The following PIR variants were observed in gnomAD, a reference collection of about 807,000 sequenced individuals.
The protein encoded by PIR is pirin (iron-binding nuclear protein).
Under a neutral mutation model 24.2 loss-of-function variants are expected in PIR, and 22 were observed. That is an observed-to-expected ratio of 0.91 (90% CI 0.65 to 1.30). PIR has a LOEUF of 1.30. Among genes scored for constraint, PIR ranks in the 50% most tolerant of loss-of-function variants. The pLI is 0.00. For synonymous variants in PIR, 80 were observed against 79.6 expected (o/e 1.00, Z -0.03); for missense variants, 220 against 220.3 (o/e 1.00, Z 0.01).
intron 9 of PIR, among the ~76,000 whole-genome samples, chrX:15,388,765 C>G (rs1923856858): frequency 8.9e-6 from 1 of 112,190 alleles, no homozygotes; most frequent in South Asian, 3.7e-4. Flanking sequence ...TTAGGTAATT[C>G]ATGAGATCTG....
At chrX:15,434,348 G>A (rs190470110) in intron 5 of PIR, among the ~76,000 whole-genome samples, 44 of 106,250 alleles carry the variant, frequency 4.1e-4, no homozygotes, top group Non-Finnish European at 7.6e-4. Context: ...AGAAAAAGGA[G>A]GGGGAAGGAG....
chrX:15,459,804 A>G, intron 3 of PIR, 64 bp from the exon 4 acceptor site: 1 of 618,690 alleles, frequency 1.6e-6, no homozygotes, highest in Non-Finnish European at 2.7e-6. Flanking sequence ...GTTATTATTT[A>G]ATTATCCCTA....
At chrX:15,385,235 T>C (rs1458477413) in intron 9 of PIR, 119 bp from the exon 10 acceptor site, 2 of 398,302 alleles carry the variant, frequency 5.0e-6, no homozygotes, top group Non-Finnish European at 8.7e-6. Context: ...ATCCGAAGAG[T>C]AAAAGTTTAT....
At chrX:15,447,748 A>C (rs752760193) in intron 5 of PIR, among the ~76,000 whole-genome samples, 1 of 112,431 alleles carries the variant, frequency 8.9e-6, no homozygotes, top group East Asian at 2.8e-4. Context: ...GTGGTTAGAA[A>C]AAATATGTAA....
intron 5 of PIR, among the ~76,000 whole-genome samples, chrX:15,448,033 C>T (rs1216423369): frequency 9.0e-6 from 1 of 111,731 alleles, no homozygotes; most frequent in Non-Finnish European, 1.9e-5. Context: ...GAGGGCTTGT[C>T]GCCACGACTG....
chrX:15,484,485 T>C (rs761400198), intron 2 of PIR, among the ~76,000 whole-genome samples: 1 of 108,495 alleles, frequency 9.2e-6, no homozygotes, highest in South Asian at 4.1e-4. Flanking sequence ...CAGCTAATTT[T>C]TGTATTTTTT....
chrX:15,391,189 ATGTCT>A (rs1267973368), intron 8 of PIR, among the ~76,000 whole-genome samples: 74 of 112,285 alleles, frequency 6.6e-4, no homozygotes, highest in African/African-American at 2.0e-3. Context: ...AATGTTCATA[ATGTCT>A]TGTAAGTTTT....
Position 15,425,601 on chromosome X carries a change from G to A in PIR, c.565+305C>T, listed in dbSNP as rs138363734. ...TAGTTTTTGTATTTTTAGTAGAGAC[G>A]GGGTTTCACAATGTTGGCCAGGATG... On this transcript the variant is annotated intron_variant, in intron 6 of 9. Transcript: ENST00000380420. Among the ~76,000 whole-genome samples the A allele has an allele frequency of 4.0e-3, 437 of 109,679 alleles. 2 individuals carry two copies. Among genetic ancestry groups the A allele is most frequent in the African/African-American group, 0.014 (417 of 30,231 alleles).
intron 5 of PIR, among the ~76,000 whole-genome samples, chrX:15,446,919 A>C (rs996139992): frequency 8.9e-6 from 1 of 112,041 alleles, no homozygotes; most frequent in African/African-American, 3.2e-5. Context: ...GGATGGCAAA[A>C]AATGATTCCC....
rs1924387211 is a variant in PIR at position 15,401,567 on chromosome X, T to G, written c.611-4036A>C. Among the ~76,000 whole-genome samples the G allele has an allele frequency of 2.7e-5, 3 of 111,798 alleles. No individual in the cohort carries two copies. In the Admixed American group the frequency reaches 2.8e-4, roughly 11 times the overall value. ...TGAACCTAAAATAAGTCTCAAAAAA[T>G]ATATCTTATTGTTTCTGACTACTTT... is the stretch of plus-strand genomic sequence containing the variant. On this transcript the variant is annotated intron_variant, in intron 7 of 9. Coordinates refer to ENST00000380420, the MANE Select transcript of PIR (RefSeq NM_001018109.3).
chrX:15,486,002 T>C (rs762374947), intron 2 of PIR, among the ~76,000 whole-genome samples: 4 of 111,123 alleles, frequency 3.6e-5, no homozygotes, highest in Non-Finnish European at 7.5e-5. Context: ...CAAATAGTTC[T>C]AAATCCTTTA....
chrX:15,426,386 T>C (rs887206616), intron 5 of PIR, among the ~76,000 whole-genome samples: 1 of 112,285 alleles, frequency 8.9e-6, no homozygotes, highest in African/African-American at 3.2e-5. Context: ...CATTTCCATT[T>C]TGGAATTTAA....
At chrX:15,419,165 C>T (rs1462857461) in intron 6 of PIR, among the ~76,000 whole-genome samples, 1 of 111,083 alleles carries the variant, frequency 9.0e-6, no homozygotes, top group East Asian at 2.8e-4. Flanking sequence ...TGAATTACTT[C>T]ATAATAAACT....
chrX:15,472,858 C>G (rs1209325235), intron 3 of PIR, among the ~76,000 whole-genome samples: 1 of 112,283 alleles, frequency 8.9e-6, no homozygotes, highest in Non-Finnish European at 1.9e-5. Flanking sequence ...TCTTTGGGTA[C>G]TATAACATGT....
Position 15,450,693 on chromosome X carries a change from T to C in PIR, c.480+5155A>G, listed in dbSNP as rs532234055. On this transcript the variant is annotated intron_variant, in intron 5 of 9. Transcript: ENST00000380420. Reference sequence around the variant, plus strand: ...CTGAGTTTACTAAGATGCAAAAATGTTTTAAGTTTACCTTCCAGTATTCTG... The same window carrying C: ...CTGAGTTTACTAAGATGCAAAAATGCTTTAAGTTTACCTTCCAGTATTCTG... Among the ~76,000 whole-genome samples the C allele has an allele frequency of 4.5e-5, 5 of 111,647 alleles. No homozygotes were observed. In the Admixed American group the frequency reaches 4.7e-4, roughly 11 times the overall value.
At chrX:15,424,525 T>C (rs1257190193) in intron 6 of PIR, among the ~76,000 whole-genome samples, 1 of 112,303 alleles carries the variant, frequency 8.9e-6, no homozygotes, top group Non-Finnish European at 1.9e-5. Context: ...AATCTTTGTA[T>C]ATTTCCAAAC....
chrX:15,429,902 G>A (rs1925451388), intron 5 of PIR: 1 of 110,242 alleles, frequency 9.1e-6, no homozygotes, highest in African/African-American at 3.3e-5. Flanking sequence ...AATGTACCTT[G>A]AGCAAACCTG....
intron 3 of PIR, among the ~76,000 whole-genome samples, chrX:15,467,357 G>A (rs1022864737): frequency 6.2e-5 from 7 of 112,394 alleles, no homozygotes; most frequent in South Asian, 3.7e-4. Context: ...TGCCAGTAAC[G>A]TATGTGCTGG....
intron 6 of PIR, among the ~76,000 whole-genome samples, chrX:15,411,498 A>G (rs1435573942): frequency 9.1e-6 from 1 of 110,480 alleles, no homozygotes; most frequent in African/African-American, 3.3e-5. Flanking sequence ...TATTCCTTAC[A>G]CCTGTATGTG....
Sources: gnomAD v4.1 joint callset for allele counts (sites outside exome capture counted in the v4.1 genomes callset) on GRCh38, gnomAD v4.1.1 for gene constraint, MANE v1.5 for transcripts, NCBI Gene and HGNC (gene_info 2026-07-23, HGNC 2026-07-21) for gene names.